Variants in PCDH15 observed in about 807,000 individuals in gnomAD.
The protein encoded by PCDH15 is protocadherin related 15.
A neutral mutation model predicts 178.5 loss-of-function variants in PCDH15; 129 were observed. That is an observed-to-expected ratio of 0.72 (90% CI 0.63 to 0.84). The LOEUF (loss-of-function observed/expected upper bound fraction) is 0.84. PCDH15 is among the 40% of genes least tolerant of loss of function. The pLI, the probability that PCDH15 is intolerant of heterozygous loss-of-function variation, is 0.00. For missense variants in PCDH15, 2,230 were observed against 2,099.9 expected (o/e 1.06, Z -1.21); for synonymous variants, 800 against 732.0 (o/e 1.09, Z -1.50).
chr10:53,937,448 G>A (rs1008623066), intron 25 of PCDH15, among the ~76,000 whole-genome samples: 1 of 152,146 alleles, frequency 6.6e-6, no homozygotes, highest in Admixed American at 6.6e-5. Context: ...ACAATTGGAA[G>A]CATCCTCTAT....
intron 1 of PCDH15, among the ~76,000 whole-genome samples, chr10:55,297,656 A>G (rs897694773): frequency 9.2e-5 from 14 of 152,208 alleles, no homozygotes; most frequent in African/African-American, 2.2e-4. Flanking sequence ...ATTAATTCAT[A>G]TGTATGAATG....
At chr10:53,961,029 AAT>A (rs1424468358) in intron 22 of PCDH15, among the ~76,000 whole-genome samples, 1 of 152,168 alleles carries the variant, frequency 6.6e-6, no homozygotes, top group Non-Finnish European at 1.5e-5. Flanking sequence ...CAAAAGAGGG[AAT>A]ATGTTCTGTT....
At chr10:55,081,112 T>C (rs895371011) in intron 2 of PCDH15, among the ~76,000 whole-genome samples, 3 of 152,102 alleles carry the variant, frequency 2.0e-5, no homozygotes, top group African/African-American at 7.2e-5. Flanking sequence ...ATTGCAGCCG[T>C]CAATAGTGGA....
chr10:55,056,635 T>TTAA (rs1181676923), intron 2 of PCDH15, among the ~76,000 whole-genome samples: 3 of 137,472 alleles, frequency 2.2e-5, no homozygotes, highest in African/African-American at 8.4e-5. Flanking sequence ...ATTATTATTA[T>TTAA]TATTATTAAT....
chr10:55,340,603 T>G (rs902411224), intron 2 of PCDH15, among the ~76,000 whole-genome samples: 4 of 152,080 alleles, frequency 2.6e-5, no homozygotes, highest in Non-Finnish European at 5.9e-5. Context: ...ACAAATATCT[T>G]ATTTTTAGTA....
chr10:55,332,412 T>C (rs1306693463), intron 2 of PCDH15, among the ~76,000 whole-genome samples: 1 of 152,052 alleles, frequency 6.6e-6, no homozygotes, highest in Non-Finnish European at 1.5e-5. Flanking sequence ...ATAAGGCAAA[T>C]TGTGTGTCAA....
intron 1 of PCDH15, among the ~76,000 whole-genome samples, chr10:55,302,256 ATTAAT>A (rs901356834): frequency 2.0e-5 from 3 of 152,102 alleles, no homozygotes; most frequent in African/African-American, 7.2e-5. Context: ...TTAGGTTTTT[ATTAAT>A]TTATTTCATA....
chr10:55,158,552 T>C, intron 2 of PCDH15, among the ~76,000 whole-genome samples: 1 of 151,996 alleles, frequency 6.6e-6, no homozygotes, highest in East Asian at 1.9e-4. Flanking sequence ...AACCTCAATG[T>C]TCAGACAAAC....
intron 10 of PCDH15, among the ~76,000 whole-genome samples, chr10:54,210,554 T>C (rs1250478107): frequency 6.6e-6 from 1 of 152,050 alleles, no homozygotes; most frequent in Non-Finnish European, 1.5e-5. Flanking sequence ...GGCTATGCCT[T>C]TCGAGGGCAA....
intron 1 of PCDH15, among the ~76,000 whole-genome samples, chr10:55,226,733 G>T (rs1241322071): frequency 6.6e-6 from 1 of 151,992 alleles, no homozygotes; most frequent in East Asian, 1.9e-4. Context: ...AGACCTTTTA[G>T]TAATAAGATA....
intron 3 of PCDH15, among the ~76,000 whole-genome samples, chr10:54,392,154 T>C (rs754899645): frequency 1.3e-5 from 2 of 152,044 alleles, no homozygotes; most frequent in African/African-American, 2.4e-5. Flanking sequence ...ATTTGAAAGC[T>C]AGTTTAATTT....
intron 2 of PCDH15, chr10:55,469,081 C>T (rs1240624691): frequency 6.6e-6 from 1 of 151,540 alleles, no homozygotes; most frequent in Non-Finnish European, 1.5e-5. Context: ...TTTTAGGAAA[C>T]AAAAAATCAA....
intron 3 of PCDH15, among the ~76,000 whole-genome samples, chr10:54,444,364 C>T (rs1034194456): frequency 2.6e-5 from 4 of 151,670 alleles, no homozygotes; most frequent in Admixed American, 6.6e-5. Flanking sequence ...CAGTACTACC[C>T]GCTTTGTTCT....
At chr10:55,035,478 C>T (rs1298316267) in intron 2 of PCDH15, among the ~76,000 whole-genome samples, 1 of 152,082 alleles carries the variant, frequency 6.6e-6, no homozygotes, top group Admixed American at 6.6e-5. Context: ...AAAGACTTCC[C>T]TTGAGACCCA....
chr10:54,878,166 T>C (rs909125626), intron 3 of PCDH15, among the ~76,000 whole-genome samples: 20 of 151,894 alleles, frequency 1.3e-4, no homozygotes, highest in African/African-American at 3.6e-4. Flanking sequence ...TTTCGCCATG[T>C]TGTCCAGGCT....
At chr10:54,202,185 G>A (rs1048661194) in intron 10 of PCDH15, among the ~76,000 whole-genome samples, 1 of 152,082 alleles carries the variant, frequency 6.6e-6, no homozygotes, top group African/African-American at 2.4e-5. Context: ...TTGACTGTGT[G>A]TACTCTTCCA....
At chr10:54,776,254 G>C (rs1056742030) in intron 1 of PCDH15, among the ~76,000 whole-genome samples, 1 of 152,026 alleles carries the variant, frequency 6.6e-6, no homozygotes, top group Admixed American at 6.6e-5. Flanking sequence ...ATTTCTCTTC[G>C]ATGTACTGAT....
At chr10:55,404,369 G>A (rs933655724) in intron 2 of PCDH15, among the ~76,000 whole-genome samples, 3 of 152,030 alleles carry the variant, frequency 2.0e-5, no homozygotes, top group African/African-American at 4.8e-5. Flanking sequence ...GATGGAAAAC[G>A]CTATTATCCT....
At chr10:54,693,399 A>G (rs2095164973) in intron 1 of PCDH15, among the ~76,000 whole-genome samples, 1 of 152,174 alleles carries the variant, frequency 6.6e-6, no homozygotes. Flanking sequence ...ATCATAATAT[A>G]TCATGTTCAT....
Sources: allele counts gnomAD v4.1 joint callset (sites outside exome capture counted in the v4.1 genomes callset), GRCh38; gene constraint gnomAD v4.1.1; transcripts MANE v1.5; gene names NCBI Gene and HGNC (gene_info 2026-07-23, HGNC 2026-07-21).